FBXL20: variants seen among roughly 807,000 people sequenced by gnomAD.
FBXL20 encodes F-box/LRR-repeat protein 20.
Under a neutral mutation model 64.0 loss-of-function variants are expected in FBXL20, and 11 were observed. That is an observed-to-expected ratio of 0.17 (90% confidence interval 0.11 to 0.28). The LOEUF is 0.28. FBXL20 is among the 10% of genes least tolerant of loss of function. The probability of loss-of-function intolerance (pLI) is 1.00; values close to 1 mark genes in which losing one functional copy is unlikely to be tolerated. For synonymous variants in FBXL20, 184 were observed against 189.0 expected (o/e 0.97, Z 0.22); for missense variants, 303 against 526.2 (o/e 0.58, Z 4.15).
intron 2 of FBXL20, among the ~76,000 whole-genome samples, chr17:39,335,843 T>C (rs998378815): frequency 2.0e-5 from 3 of 151,958 alleles, no homozygotes; most frequent in Non-Finnish European, 4.4e-5. Context: ...AGAGAATCAG[T>C]ATAAAAGGGG....
chr17:39,358,351 G>A (rs2047761907), intron 1 of FBXL20, among the ~76,000 whole-genome samples: 1 of 152,110 alleles, frequency 6.6e-6, no homozygotes, highest in Non-Finnish European at 1.5e-5. Context: ...CAGAAATAAT[G>A]TTTTACTAGC....
chr17:39,264,530 A>T lies in FBXL20; in HGVS notation c.991-143T>A, dbSNP rs1455302580. On this transcript the variant is annotated intron_variant, in intron 13 of 14. Coordinates refer to ENST00000264658, the MANE Select transcript of FBXL20 (RefSeq NM_032875.3). ...GCACTAGATCCACGTGGTGAAATTTAAAAAACTAGAGATAGTGGGGTTATG... is the reference window on the plus strand; with the variant it reads ...GCACTAGATCCACGTGGTGAAATTTTAAAAACTAGAGATAGTGGGGTTATG... The T allele has an allele frequency of 1.7e-5, 13 of 784,354 alleles. No homozygotes were observed. In the South Asian group the frequency reaches 1.7e-4, roughly 10 times the overall value. The allele number at this position is 784,354 out of a possible 1,614,324, so 48.6% of individuals were successfully genotyped here.
At chr17:39,401,334 C>G in intron 1 of FBXL20, 27 bp downstream of exon 1, 1 of 1,612,150 alleles carries the variant, frequency 6.2e-7, no homozygotes, top group Non-Finnish European at 8.5e-7. Flanking sequence ...GCCCTCCTCA[C>G]GCCGCCCGAG....
intron 2 of FBXL20, among the ~76,000 whole-genome samples, chr17:39,321,096 A>G (rs570353056): frequency 1.3e-5 from 2 of 152,306 alleles, no homozygotes; most frequent in South Asian, 2.1e-4. Flanking sequence ...TACAGTGAAC[A>G]TAAGTGAAAA....
chr17:39,295,973 C>T (rs1281251758), intron 6 of FBXL20, among the ~76,000 whole-genome samples: 1 of 151,912 alleles, frequency 6.6e-6, no homozygotes, highest in East Asian at 1.9e-4. Flanking sequence ...AGTTTCCTAT[C>T]TTTTGCTATT....
At chr17:39,266,226 T>G (rs572908112) in intron 12 of FBXL20, among the ~76,000 whole-genome samples, 14 of 149,442 alleles carry the variant, frequency 9.4e-5, no homozygotes, top group East Asian at 2.0e-4. Context: ...GTTTGTTGTT[T>G]TTTTTTTTTT....
intron 1 of FBXL20, among the ~76,000 whole-genome samples, chr17:39,364,175 G>A (rs1417751239): frequency 6.6e-6 from 1 of 152,096 alleles, no homozygotes. Context: ...CAAGATGTGA[G>A]CCACTGCGCC....
intron 2 of FBXL20, among the ~76,000 whole-genome samples, chr17:39,336,683 G>A (rs2047524911): frequency 6.6e-6 from 1 of 152,028 alleles, no homozygotes; most frequent in Non-Finnish European, 1.5e-5. Context: ...AATTAGCCCA[G>A]TGTGGTGGCG....
intron 9 of FBXL20, among the ~76,000 whole-genome samples, chr17:39,279,799 G>A (rs1308191442): frequency 1.3e-5 from 2 of 152,286 alleles, no homozygotes; most frequent in East Asian, 1.9e-4. Context: ...TAGGGAGGCT[G>A]AGGTGGAACA....
chr17:39,294,120 T>C (rs528394204), intron 6 of FBXL20, among the ~76,000 whole-genome samples: 5 of 152,102 alleles, frequency 3.3e-5, no homozygotes, highest in East Asian at 3.9e-4. Context: ...TTATTGTCAC[T>C]GTGAGAAGGA....
At chr17:39,306,095 G>A (rs1488864324) in intron 2 of FBXL20, among the ~76,000 whole-genome samples, 1 of 151,974 alleles carries the variant, frequency 6.6e-6, no homozygotes, top group Non-Finnish European at 1.5e-5. Context: ...TGTTCAGTTT[G>A]AGGCTGCAGT....
chr17:39,314,026 T>C (rs747460564), intron 2 of FBXL20, among the ~76,000 whole-genome samples: 3 of 152,180 alleles, frequency 2.0e-5, no homozygotes, highest in African/African-American at 7.2e-5. Context: ...ATCACCACTA[T>C]GTAATTCCAG....
chr17:39,275,529 A>G (rs927446872), intron 9 of FBXL20, among the ~76,000 whole-genome samples: 1 of 151,888 alleles, frequency 6.6e-6, no homozygotes, highest in Non-Finnish European at 1.5e-5. Context: ...CTCGTGCCTC[A>G]GCCTCCTGAC....
chr17:39,308,142 C>CTT (rs745543922), intron 2 of FBXL20, among the ~76,000 whole-genome samples: 4 of 141,842 alleles, frequency 2.8e-5, no homozygotes, highest in Admixed American at 7.1e-5. Flanking sequence ...AAAGTTTGAT[C>CTT]TTTTTTTTTT....
chr17:39,272,050 AC>A (rs2046848689), intron 10 of FBXL20, among the ~76,000 whole-genome samples: 1 of 152,062 alleles, frequency 6.6e-6, no homozygotes, highest in African/African-American at 2.4e-5. Flanking sequence ...GGAGTTCAAG[AC>A]CAGCCTGGGC....
intron 1 of FBXL20, among the ~76,000 whole-genome samples, chr17:39,385,322 A>AAC (rs3078787): frequency 0.092 from 13,877 of 151,228 alleles, 747 homozygotes; most frequent in African/African-American, 0.15. Flanking sequence ...GTCTCTAGAA[A>AAC]ACACACACAC....
At chr17:39,401,700 G>T (rs938360897), upstream of FBXL20, 47 of 1,149,106 alleles carry the variant, frequency 4.1e-5, 1 homozygote, top group East Asian at 1.9e-3. Context: ...GGACAGAGCC[G>T]CCCGGGCCTC....
intron 2 of FBXL20, among the ~76,000 whole-genome samples, chr17:39,325,291 T>C (rs572141903): frequency 6.6e-6 from 1 of 152,194 alleles, no homozygotes; most frequent in Admixed American, 6.5e-5. Flanking sequence ...AGAAAGAAGG[T>C]TGGAGTGGAG....
chr17:39,324,729 A>C (rs2144522832), intron 2 of FBXL20, among the ~76,000 whole-genome samples: 1 of 152,322 alleles, frequency 6.6e-6, no homozygotes, highest in African/African-American at 2.4e-5. Context: ...CCTCCAATTA[A>C]GTTGTGAAAT....
Sources: allele counts gnomAD v4.1 joint callset (sites outside exome capture counted in the v4.1 genomes callset), GRCh38; gene constraint gnomAD v4.1.1; transcripts MANE v1.5; gene names NCBI Gene and HGNC (gene_info 2026-07-23, HGNC 2026-07-21).